DMD: variants seen among roughly 807,000 people sequenced by gnomAD.
The protein encoded by DMD is dystrophin, also known as mutant dystrophin.
In DMD, 63 loss-of-function variants were observed where a neutral mutation model predicts 330.1. The ratio of observed to expected loss-of-function variants is 0.19; its 90% CI spans 0.16 to 0.24. The LOEUF (loss-of-function observed/expected upper bound fraction) is 0.24, where lower values mean the gene tolerates loss of function less well. DMD is among the 10% of genes least tolerant of loss of function. The pLI, the probability that DMD is intolerant of heterozygous loss-of-function variation, is 1.00. For synonymous variants in DMD, 1,223 were observed against 959.8 expected, an observed-to-expected ratio of 1.27 and a Z score of -5.07; for missense variants, 3,344 against 2,684.1, an observed-to-expected ratio of 1.25 and a Z score of -5.43.
chrX:33,129,862 G>C (rs951802351), intron 1 of DMD, among the ~76,000 whole-genome samples: 1 of 111,749 alleles, frequency 8.9e-6, no homozygotes, highest in Non-Finnish European at 1.9e-5. Flanking sequence ...ACTCATTGTC[G>C]TACTGCTTAG....
intron 7 of DMD, among the ~76,000 whole-genome samples, chrX:32,785,203 T>TAA (rs550668969): frequency 0.097 from 9,681 of 99,670 alleles, 390 homozygotes; most frequent in African/African-American, 0.14. Context: ...ATAAAAGCAT[T>TAA]AAAAAAAAAA....
At chrX:32,373,166 A>C (rs1009206548) in intron 34 of DMD, among the ~76,000 whole-genome samples, 2 of 108,626 alleles carry the variant, frequency 1.8e-5, no homozygotes, top group African/African-American at 6.6e-5. Context: ...AGGGCTATGC[A>C]TTCTAGTATC....
At chrX:33,180,211 A>G (rs2049916970) in intron 1 of DMD, among the ~76,000 whole-genome samples, 2 of 112,259 alleles carry the variant, frequency 1.8e-5, no homozygotes, top group Non-Finnish European at 3.8e-5. Context: ...CATTTAAATA[A>G]CGAACAAACC....
intron 2 of DMD, among the ~76,000 whole-genome samples, chrX:32,982,980 T>C (rs973032119): frequency 4.5e-5 from 5 of 111,992 alleles, no homozygotes; most frequent in Non-Finnish European, 7.5e-5. Context: ...CTATTTTCAG[T>C]TGGAAACTTT....
intron 27 of DMD, 83 bp from the exon 28 acceptor site, chrX:32,441,397 C>T (rs759807268): frequency 1.2e-4 from 114 of 963,016 alleles, no homozygotes; most frequent in Non-Finnish European, 1.7e-4. Flanking sequence ...ATTAAAACTT[C>T]TGAAAATATA....
intron 44 of DMD, among the ~76,000 whole-genome samples, chrX:31,973,567 C>T (rs998644906): frequency 4.5e-5 from 5 of 110,889 alleles, no homozygotes; most frequent in Admixed American, 9.6e-5. Flanking sequence ...GGCTCCGTCT[C>T]CTGCCGCTTC....
At chrX:32,216,865 C>A in intron 44 of DMD, 51 bp downstream of exon 44, 1 of 1,110,617 alleles carries the variant, frequency 9.0e-7, no homozygotes, top group Non-Finnish European at 1.2e-6. Flanking sequence ...TTAAAGAGTC[C>A]AGATGTGCTG....
At chrX:32,169,256 C>G (rs750640589) in intron 44 of DMD, among the ~76,000 whole-genome samples, 4 of 111,761 alleles carry the variant, frequency 3.6e-5, no homozygotes, top group Non-Finnish European at 7.5e-5. Flanking sequence ...TATGAATGGG[C>G]TATATTATAG....
chrX:31,263,041 CAT>C (rs1488540422), intron 62 of DMD, among the ~76,000 whole-genome samples: 5 of 112,722 alleles, frequency 4.4e-5, no homozygotes, highest in Admixed American at 9.3e-5. Context: ...GAAGCACACA[CAT>C]GTGTGCCCAC....
chrX:31,893,302 CA>C (rs1230013614), intron 47 of DMD, among the ~76,000 whole-genome samples: 1 of 111,251 alleles, frequency 9.0e-6, no homozygotes, highest in African/African-American at 3.3e-5. Context: ...TGAAAAGAAG[CA>C]ACCTTACGTA....
At chrX:32,336,205 T>C (rs2097714619) in intron 41 of DMD, among the ~76,000 whole-genome samples, 2 of 110,538 alleles carry the variant, frequency 1.8e-5, no homozygotes, top group African/African-American at 6.6e-5. Flanking sequence ...TATATATACA[T>C]GACATGTTAT....
At chrX:32,754,313 G>A (rs989693046) in intron 7 of DMD, among the ~76,000 whole-genome samples, 2 of 110,733 alleles carry the variant, frequency 1.8e-5, no homozygotes, top group African/African-American at 6.6e-5. Flanking sequence ...GGGCCACACA[G>A]CTTTTAAGTA....
Position 32,614,341 on chromosome X carries a change from C to A in DMD, c.1444G>T (p.Asp482Tyr), listed in dbSNP as rs777765815. 1 of 1,205,950 alleles carries A rather than the reference C, an allele frequency of 8.3e-7. No individual in the cohort carries two copies. The highest frequency in any genetic ancestry group is 1.8e-5 in the African/African-American group (1 of 56,565). ...ACTTGGCGTTTTAGGTCTTCAAGATCAGGTCCAAGAGGCTCTTCCTCCATT... is the reference window on the plus strand; with the variant it reads ...ACTTGGCGTTTTAGGTCTTCAAGATAAGGTCCAAGAGGCTCTTCCTCCATT... Reference protein sequence around the residue: ...RKMEEEPLGPDLEDLKRQVQQ... With the variant: ...RKMEEEPLGPYLEDLKRQVQQ... The change falls in exon 12 of 79, where the codon GAT becomes TAT. Residue 482 changes from aspartate (D) to tyrosine (Y), a missense_variant. Coordinates refer to ENST00000357033, the MANE Select transcript of DMD (RefSeq NM_004006.3).
Position 31,207,146 on chromosome X carries a change from T to C in DMD, c.9564-479A>G, listed in dbSNP as rs1480876933. 3.6e-5 allele frequency among the ~76,000 whole-genome samples: 4 copies of C among 111,416 alleles called. No homozygotes were observed. In the South Asian group the frequency reaches 1.1e-3, roughly 31 times the overall value. ...CTTAAATGCTCAGATCTTCATCAGATTGCCCCTTATTGAAAGAAAATTAAT... is the reference window on the plus strand; with the variant it reads ...CTTAAATGCTCAGATCTTCATCAGACTGCCCCTTATTGAAAGAAAATTAAT... On this transcript the variant is annotated intron_variant, in intron 65 of 78. Transcript: ENST00000357033.
At chrX:32,747,529 C>G (rs2855701) in intron 7 of DMD, among the ~76,000 whole-genome samples, 55,940 of 110,925 alleles carry the variant, frequency 0.5, 12,417 homozygotes, top group African/African-American at 0.86. Flanking sequence ...TGTCCAGGCT[C>G]GAGTGCAGTG....
intron 17 of DMD, among the ~76,000 whole-genome samples, chrX:32,532,654 G>C (rs1206584299): frequency 8.9e-6 from 1 of 112,358 alleles, no homozygotes; most frequent in Non-Finnish European, 1.9e-5. Context: ...ATACATATTA[G>C]CTATTGTTAT....
intron 50 of DMD, among the ~76,000 whole-genome samples, chrX:31,793,596 T>A (rs2091680674): frequency 8.9e-6 from 1 of 112,100 alleles, no homozygotes; most frequent in Non-Finnish European, 1.9e-5. Context: ...TACATTAGCC[T>A]ACAGTTGGGC....
intron 48 of DMD, among the ~76,000 whole-genome samples, chrX:31,853,038 C>T (rs960722115): frequency 8.9e-6 from 1 of 112,019 alleles, no homozygotes; most frequent in African/African-American, 3.2e-5. Context: ...CATGCACCAC[C>T]AAGCCTGGCT....
At chrX:31,376,575 C>T (rs2059897016) in intron 60 of DMD, among the ~76,000 whole-genome samples, 1 of 111,816 alleles carries the variant, frequency 8.9e-6, no homozygotes, top group African/African-American at 3.3e-5. Flanking sequence ...GGCCAATATC[C>T]AATATCCAGA....
Sources: gnomAD v4.1 joint callset for allele counts (sites outside exome capture counted in the v4.1 genomes callset) on GRCh38, gnomAD v4.1.1 for gene constraint, MANE v1.5 for transcripts, NCBI Gene and HGNC (gene_info 2026-07-23, HGNC 2026-07-21) for gene names.